Variants in CNIH3 observed in about 807,000 individuals in gnomAD.
The protein encoded by CNIH3 is protein cornichon homolog 3.
A neutral mutation model predicts 24.1 loss-of-function variants in CNIH3; 14 were observed. That is an observed-to-expected ratio of 0.58 (90% CI 0.38 to 0.91). The LOEUF (loss-of-function observed/expected upper bound fraction) is 0.91. Ranked by LOEUF, CNIH3 falls within the 40% of genes least tolerant of loss-of-function variation. The pLI, the probability that CNIH3 is intolerant of heterozygous loss-of-function variation, is 0.00. For missense variants in CNIH3, 178 were observed against 196.8 expected, an observed-to-expected ratio of 0.90 and a Z score of 0.57; for synonymous variants, 68 against 73.8, an observed-to-expected ratio of 0.92 and a Z score of 0.40.
chr1:224,580,401 G>A (rs1432999786), intron 4 of CNIH3, among the ~76,000 whole-genome samples: 2 of 152,238 alleles, frequency 1.3e-5, no homozygotes, highest in African/African-American at 2.4e-5. Context: ...CTGGGAAAAG[G>A]AGACATAAGC....
intron 4 of CNIH3, among the ~76,000 whole-genome samples, chr1:224,570,375 G>A (rs1353065792): frequency 3.3e-5 from 5 of 152,010 alleles, no homozygotes; most frequent in African/African-American, 7.3e-5. Flanking sequence ...GTGTCCACAT[G>A]TACCCAGTGT....
intron 3 of CNIH3, among the ~76,000 whole-genome samples, chr1:224,712,377 C>T (rs1688202492): frequency 6.6e-6 from 1 of 152,158 alleles, no homozygotes; most frequent in African/African-American, 2.4e-5. Context: ...AGCTGAAGGT[C>T]TTGTCCTGCT....
At chr1:224,436,561 C>G (rs1310390939) in intron 1 of CNIH3, among the ~76,000 whole-genome samples, 1 of 152,044 alleles carries the variant, frequency 6.6e-6, no homozygotes, top group Non-Finnish European at 1.5e-5. Flanking sequence ...CTCTATATTC[C>G]AGTTTTTCTA....
intron 1 of CNIH3, among the ~76,000 whole-genome samples, chr1:224,488,025 T>G (rs760103821): frequency 3.3e-5 from 5 of 152,062 alleles, no homozygotes; most frequent in Non-Finnish European, 5.9e-5. Context: ...GCTTTACACA[T>G]AGCAGGCACT....
At chr1:224,730,673 C>A in intron 4 of CNIH3, 99 bp downstream of exon 4, 1 of 697,276 alleles carries the variant, frequency 1.4e-6, no homozygotes, top group Non-Finnish European at 2.5e-6. Flanking sequence ...CTATTGCCTT[C>A]CAATCATCCC....
At chr1:224,734,326 T>G (rs1375899677) in intron 4 of CNIH3, among the ~76,000 whole-genome samples, 1 of 152,200 alleles carries the variant, frequency 6.6e-6, no homozygotes, top group African/African-American at 2.4e-5. Context: ...TTGGAGCAGC[T>G]TTGTATATGG....
At chr1:224,497,023 A>C (rs1251769687) in intron 1 of CNIH3, among the ~76,000 whole-genome samples, 1 of 152,266 alleles carries the variant, frequency 6.6e-6, no homozygotes, top group African/African-American at 2.4e-5. Context: ...ATATCCATAC[A>C]ATGGAATATT....
chr1:224,588,180 T>C (rs1235087779), intron 5 of CNIH3, among the ~76,000 whole-genome samples: 1 of 152,130 alleles, frequency 6.6e-6, no homozygotes, highest in African/African-American at 2.4e-5. Context: ...ACATCAACTA[T>C]CTTTTGACAT....
At chr1:224,625,530 TGG>T (rs1683479908) in intron 1 of CNIH3, among the ~76,000 whole-genome samples, 1 of 152,240 alleles carries the variant, frequency 6.6e-6, no homozygotes, top group South Asian at 2.1e-4. Context: ...CACTCCAGCC[TGG>T]GCGACAGAGC....
chr1:224,461,020 TG>T (rs1289526469), intron 1 of CNIH3, among the ~76,000 whole-genome samples: 1 of 151,170 alleles, frequency 6.6e-6, no homozygotes, highest in African/African-American at 2.4e-5. Context: ...TTTTTTTTTT[TG>T]AGATGGAGTC....
chr1:224,476,914 T>C (rs1676609806), intron 1 of CNIH3, among the ~76,000 whole-genome samples: 1 of 152,170 alleles, frequency 6.6e-6, no homozygotes, highest in South Asian at 2.1e-4. Flanking sequence ...CATTCAATGT[T>C]AGTTTTGAGA....
intron 1 of CNIH3, among the ~76,000 whole-genome samples, chr1:224,505,353 A>G (rs1046807926): frequency 6.6e-6 from 1 of 151,896 alleles, no homozygotes; most frequent in African/African-American, 2.4e-5. Context: ...ATTGTGGTAT[A>G]CACGTAGTGG....
At chr1:224,735,539 G>A (rs568668461) in intron 5 of CNIH3, among the ~76,000 whole-genome samples, 1 of 152,328 alleles carries the variant, frequency 6.6e-6, no homozygotes, top group African/African-American at 2.4e-5. Flanking sequence ...GTTGACAGCA[G>A]CCAGGTGAAG....
At chr1:224,558,426 G>T (rs1038421317) in intron 3 of CNIH3, among the ~76,000 whole-genome samples, 4 of 152,114 alleles carry the variant, frequency 2.6e-5, no homozygotes, top group Admixed American at 6.5e-5. Flanking sequence ...GGGAACGATG[G>T]AATACCAAGC....
chr1:224,732,037 G>A (rs1379605048), intron 4 of CNIH3, among the ~76,000 whole-genome samples: 2 of 152,222 alleles, frequency 1.3e-5, no homozygotes, highest in Non-Finnish European at 2.9e-5. Flanking sequence ...GAAGACAGTG[G>A]CATTACCTGA....
intron 2 of CNIH3, among the ~76,000 whole-genome samples, chr1:224,524,045 A>C (rs1678745654): frequency 2.0e-5 from 3 of 152,160 alleles, no homozygotes; most frequent in African/African-American, 7.2e-5. Flanking sequence ...TAAGTTATAA[A>C]CTTCTTAGGG....
chr1:224,666,710 G>A (rs1432485588), intron 1 of CNIH3, among the ~76,000 whole-genome samples: 1 of 152,150 alleles, frequency 6.6e-6, no homozygotes, highest in Non-Finnish European at 1.5e-5. Flanking sequence ...CTAAACCACT[G>A]CATTTTAGAA....
chr1:224,506,096 T>G (rs1677897615), intron 1 of CNIH3, among the ~76,000 whole-genome samples: 1 of 152,182 alleles, frequency 6.6e-6, no homozygotes, highest in African/African-American at 2.4e-5. Flanking sequence ...ACTGAACAAT[T>G]ACGATCTTTC....
At position 224,616,858 on chromosome 1, in the gene CNIH3, A is replaced by C; in HGVS notation, c.-317A>C. 1 of 1,177,502 alleles carries C rather than the reference A, an allele frequency of 8.5e-7. No individual in the cohort carries two copies. The highest frequency in any genetic ancestry group is 3.2e-5 in the South Asian group (1 of 31,254). 72.9% of individuals were successfully genotyped at this position (1,177,502 alleles called of 1,614,324 possible). ...TTGTCGTGTTGGTCTCGAGGGGCTC[A>C]CAGCTTGGCACTAATTTGCAGGTGT... On this transcript the variant is annotated 5_prime_UTR_variant, in exon 1 of 6. Transcript: ENST00000272133.
Sources: allele counts gnomAD v4.1 joint callset (sites outside exome capture counted in the v4.1 genomes callset), GRCh38; gene constraint gnomAD v4.1.1; transcripts MANE v1.5; gene names NCBI Gene and HGNC (gene_info 2026-07-23, HGNC 2026-07-21).